Variants in PTK2 observed in about 807,000 individuals in gnomAD.
PTK2 encodes the protein focal adhesion kinase 1.
A neutral mutation model predicts 150.1 loss-of-function variants in PTK2; 45 were observed. The observed-to-expected ratio is 0.30, with a 90% confidence interval of 0.24 to 0.38. The LOEUF (loss-of-function observed/expected upper bound fraction) is 0.38, where lower values mean the gene tolerates loss of function less well. PTK2 is among the 10% of genes least tolerant of loss of function. The probability of loss-of-function intolerance (pLI) is 1.00; values close to 1 mark genes in which losing one functional copy is unlikely to be tolerated. For synonymous variants in PTK2, 432 were observed against 449.2 expected (o/e 0.96, Z 0.48); for missense variants, 919 against 1,307.3 (o/e 0.70, Z 4.58).
At chr8:140,669,892 A>G (rs763391045) in intron 29 of PTK2, 157 bp from the exon 33 acceptor site, 2 of 808,604 alleles carry the variant, frequency 2.5e-6, no homozygotes, top group East Asian at 5.3e-5. Flanking sequence ...ACCAGCTCTC[A>G]CTCACTGTTG....
chr8:140,972,968 C>A (rs555556211), intron 1 of PTK2, among the ~76,000 whole-genome samples: 78 of 152,314 alleles, frequency 5.1e-4, no homozygotes, highest in African/African-American at 1.8e-3. Context: ...TTATTCAAAT[C>A]CCTGATAGAA....
chr8:140,834,231 C>T (rs2100117295), intron 7 of PTK2, among the ~76,000 whole-genome samples: 1 of 152,126 alleles, frequency 6.6e-6, no homozygotes, highest in Non-Finnish European at 1.5e-5. Context: ...TCAGTAAGCA[C>T]AGGGATGGGT....
chr8:140,851,844 G>C (rs1330858310), intron 5 of PTK2, among the ~76,000 whole-genome samples: 1 of 118,944 alleles, frequency 8.4e-6, no homozygotes, highest in Non-Finnish European at 1.7e-5. Context: ...GGGTGACAGA[G>C]AGAGACTTTA....
intron 14 of PTK2, among the ~76,000 whole-genome samples, chr8:140,779,994 T>C (rs1286311468): frequency 6.6e-6 from 1 of 152,096 alleles, no homozygotes; most frequent in African/African-American, 2.4e-5. Context: ...CACAAATTCA[T>C]ACTGATATTT....
intron 2 of PTK2, among the ~76,000 whole-genome samples, chr8:140,912,113 C>A (rs1337769832): frequency 2.0e-5 from 3 of 152,092 alleles, no homozygotes; most frequent in East Asian, 3.9e-4. Context: ...TATGGTGGCA[C>A]GCACCTGTAG....
Position 140,735,464 on chromosome 8 carries a change from T to C in PTK2, c.1826-9A>G. ...CTCCCACATACACACACCTGTCAAGTGGGAATGAAAACACAACAGTGAGCT... is the reference window on the plus strand; with the variant it reads ...CTCCCACATACACACACCTGTCAAGCGGGAATGAAAACACAACAGTGAGCT... On this transcript the variant is annotated splice_polypyrimidine_tract_variant and intron_variant, in intron 21 of 31. Transcript: ENST00000522684. 1 of 1,613,574 alleles carries C rather than the reference T, an allele frequency of 6.2e-7. No individual in the cohort carries two copies. Among genetic ancestry groups the C allele is most frequent in the Non-Finnish European group, 8.5e-7 (1 of 1,179,608 alleles).
chr8:140,736,858 T>G (rs1019228436), intron 21 of PTK2, among the ~76,000 whole-genome samples: 30 of 152,224 alleles, frequency 2.0e-4, no homozygotes, highest in African/African-American at 5.3e-4. Flanking sequence ...GTACAATTGA[T>G]GACTTGAAGA....
chr8:140,814,941 A>T (rs1343590002), intron 10 of PTK2, among the ~76,000 whole-genome samples: 1 of 151,984 alleles, frequency 6.6e-6, no homozygotes, highest in Non-Finnish European at 1.5e-5. Context: ...CGCCCAGCTG[A>T]TTTTTTGTAT....
intron 1 of PTK2, among the ~76,000 whole-genome samples, chr8:140,992,798 A>C (rs1397381): frequency 0.44 from 66,445 of 152,058 alleles, 16,442 homozygotes; most frequent in Non-Finnish European, 0.57. Context: ...TGTCACTTTC[A>C]AAATGTTTTA....
At chr8:140,789,568 C>T (rs954526667) in intron 13 of PTK2, 42 bp from the exon 14 acceptor site, 21 of 1,594,780 alleles carry the variant, frequency 1.3e-5, no homozygotes, top group Non-Finnish European at 1.6e-5. Context: ...TGCAATTTCC[C>T]CAGGACCCCG....
intron 10 of PTK2, among the ~76,000 whole-genome samples, chr8:140,812,924 A>C (rs1288299765): frequency 6.6e-6 from 1 of 152,228 alleles, no homozygotes; most frequent in Non-Finnish European, 1.5e-5. Context: ...ACTCCTACAC[A>C]ATAATAGTGG....
intron 26 of PTK2, among the ~76,000 whole-genome samples, chr8:140,689,918 C>T (rs1368304510): frequency 6.6e-6 from 1 of 152,140 alleles, no homozygotes; most frequent in Non-Finnish European, 1.5e-5. Context: ...TTTGACTCTA[C>T]TGTAGCAGAA....
At position 140,715,321 on chromosome 8, in the gene PTK2, G is replaced by A. The variant is rs563544672; in HGVS notation, c.2142+2277C>T. On this transcript the variant is annotated intron_variant, in intron 23 of 31. Transcript: ENST00000522684. The stretch of plus-strand genomic sequence containing the variant: ...CTGAGTAGCTGGGATTACAGGTGCC[G>A]GCCACCATGGCTGGCTGATTTTTGT... Among the ~76,000 whole-genome samples, 18 of 151,302 alleles carry A rather than the reference G, an allele frequency of 1.2e-4. No homozygotes were observed. The East Asian group carries it at 2.7e-3, about 23-fold the overall frequency.
intron 23 of PTK2, among the ~76,000 whole-genome samples, chr8:140,709,838 G>A (rs2100035813): frequency 6.6e-6 from 1 of 152,104 alleles, no homozygotes; most frequent in South Asian, 2.1e-4. Flanking sequence ...GGAAGACACT[G>A]GTATTCTAAA....
chr8:140,747,971 T>C (rs1448941361), intron 17 of PTK2, among the ~76,000 whole-genome samples: 9 of 151,478 alleles, frequency 5.9e-5, no homozygotes, highest in Non-Finnish European at 1.0e-4. Flanking sequence ...GACTGGTGAA[T>C]TGCTGGGGGA....
At chr8:140,717,420 G>C (rs1325201005) in intron 23 of PTK2, among the ~76,000 whole-genome samples, 178 bp downstream of exon 26, 1 of 152,174 alleles carries the variant, frequency 6.6e-6, no homozygotes, top group Non-Finnish European at 1.5e-5. Context: ...AGGAAAGTGA[G>C]TGCACATGAG....
chr8:140,747,664 GAGGAAGGGGAGA>G (rs2100060020), intron 17 of PTK2, among the ~76,000 whole-genome samples: 1 of 82,250 alleles, frequency 1.2e-5, no homozygotes, highest in Admixed American at 1.2e-4. Context: ...AGAGGAGGGG[GAGGAAGGGGAGA>G]AGGAAGGGGA....
chr8:140,716,246 A>C (rs967578815), intron 23 of PTK2, among the ~76,000 whole-genome samples: 1 of 152,212 alleles, frequency 6.6e-6, no homozygotes, highest in Non-Finnish European at 1.5e-5. Context: ...GTTAATGATG[A>C]GATTCTCCCG....
intron 14 of PTK2, among the ~76,000 whole-genome samples, chr8:140,773,951 G>A (rs969363200): frequency 4.6e-5 from 7 of 152,140 alleles, no homozygotes; most frequent in Non-Finnish European, 7.4e-5. Context: ...CTCTGGGACT[G>A]ATAAATTTTG....
Sources: allele counts gnomAD v4.1 joint callset (sites outside exome capture counted in the v4.1 genomes callset), GRCh38; gene constraint gnomAD v4.1.1; transcripts MANE v1.5; gene names NCBI Gene and HGNC (gene_info 2026-07-23, HGNC 2026-07-21).